TMEM234: variants seen among roughly 807,000 people sequenced by gnomAD.
The protein encoded by TMEM234 is chromosome 1 open reading frame 91.
In TMEM234, 21 loss-of-function variants were observed where a neutral mutation model predicts 17.8. The observed-to-expected ratio is 1.18, with a 90% CI of 0.84 to 1.70. TMEM234 has a LOEUF of 1.70. Among genes scored for constraint, TMEM234 ranks in the 40% most tolerant of loss-of-function variants. The probability of loss-of-function intolerance (pLI) is 0.00; values close to 1 mark genes in which losing one functional copy is unlikely to be tolerated. For missense variants in TMEM234, 137 were observed against 166.9 expected (o/e 0.82, Z 0.99); for synonymous variants, 83 against 73.5 (o/e 1.13, Z -0.66).
At chr1:32,215,600 A>G (rs1638317919), downstream of TMEM234, 2 of 1,531,138 alleles carry the variant, frequency 1.3e-6, no homozygotes, top group African/African-American at 1.4e-5. Context: ...TGAGCTGGAA[A>G]CTGGCAGCCT....
downstream of TMEM234, chr1:32,216,009 A>G: frequency 2.2e-6 from 2 of 929,546 alleles, no homozygotes; most frequent in Non-Finnish European, 3.3e-6. Context: ...CTCACAGGGT[A>G]CACTGCGGCC....
intron 3 of TMEM234, chr1:32,217,564 G>A (rs1254109911): frequency 9.2e-7 from 1 of 1,082,404 alleles, no homozygotes; most frequent in Admixed American, 2.0e-5. Flanking sequence ...TGAACTCTGA[G>A]GTCTGGGACC....
downstream of TMEM234, chr1:32,214,917 C>T (rs1428178498): frequency 1.2e-6 from 2 of 1,613,884 alleles, no homozygotes; most frequent in Non-Finnish European, 8.5e-7. Flanking sequence ...GCTCCCCACA[C>T]TCTCATTCCC....
chr1:32,221,558 T>C (rs1638910939), intron 2 of TMEM234, among the ~76,000 whole-genome samples: 2 of 152,282 alleles, frequency 1.3e-5, no homozygotes, highest in Middle Eastern at 3.4e-3. Context: ...GGCTCACAAA[T>C]GTTGCCTTAT....
At chr1:32,215,672 C>T (rs1410783031), downstream of TMEM234, 1 of 1,110,280 alleles carries the variant, frequency 9.0e-7, no homozygotes, top group African/African-American at 1.6e-5. Context: ...TAACTTCCTA[C>T]CTTGTTAAAT....
downstream of TMEM234, chr1:32,214,942 C>T: frequency 6.2e-7 from 1 of 1,613,758 alleles, no homozygotes; most frequent in African/African-American, 1.3e-5. Flanking sequence ...GGTGAGGGGT[C>T]CCTGGGGCTC....
At position 32,216,938 on chromosome 1, in the gene TMEM234, G is replaced by T. The variant is rs1455872558; in HGVS notation, c.338C>A (p.Ala113Asp). Residue 113 changes from alanine (A) to aspartate (D), a missense_variant, in exon 5 of 5, where the codon GCT becomes GAT. By Grantham distance (126) the Ala-to-Asp change is moderately radical. Coordinates refer to ENST00000309777, the MANE Select transcript of TMEM234 (RefSeq NM_019118.5). ...GEDIGGKRAV[A>D]GMVLTVIGIS... ...TCCTATCACGGTGAGCACCATGCCA[G>T]CAACTGCTCCTGGGATAATAGGCAG... is the stretch of plus-strand genomic sequence containing the variant. 1 of 1,614,154 alleles carries T rather than the reference G, an allele frequency of 6.2e-7. No homozygotes were observed. The highest frequency in any genetic ancestry group is 1.3e-5 in the African/African-American group (1 of 75,058).
chr1:32,215,619 A>G (rs1284034378), downstream of TMEM234: 3 of 1,388,426 alleles, frequency 2.2e-6, no homozygotes, highest in Middle Eastern at 3.7e-4. Context: ...CTTGGGCCCC[A>G]GGAACAGTTC....
rs1638414221 is a variant in TMEM234 at position 32,216,676 on chromosome 1, A to G, written c.*177T>C. ...CGCAGCTGAACAGCACTTGAAGGTT[A>G]CAAAACTCTTTCACTCTTGTTCTCT... On this transcript the variant is annotated 3_prime_UTR_variant, in exon 5 of 5. Transcript: ENST00000309777. 2.0e-6 allele frequency: 3 copies of G among 1,495,822 alleles called. No homozygotes were observed. The highest frequency in any genetic ancestry group is 2.7e-6 in the Non-Finnish European group (3 of 1,118,068). 92.7% of individuals were successfully genotyped at this position (1,495,822 alleles called of 1,614,324 possible).
intron 3 of TMEM234, among the ~76,000 whole-genome samples, chr1:32,217,902 T>C (rs932485785): frequency 5.3e-5 from 8 of 152,210 alleles, no homozygotes; most frequent in African/African-American, 1.7e-4. Context: ...TATTAAACTG[T>C]GGATATAGAC....
At chr1:32,217,388 AC>A (rs1638495142) in intron 3 of TMEM234, 37 bp from the exon 4 acceptor site, 4 of 1,593,902 alleles carry the variant, frequency 2.5e-6, no homozygotes, top group Non-Finnish European at 3.4e-6. Flanking sequence ...CTGAGATGCA[AC>A]AAATGCCTTT....
rs562144270 is a variant in TMEM234 at position 32,216,379 on chromosome 1, C to T, written c.*474G>A. 136 of 1,550,878 alleles carry T rather than the reference C, an allele frequency of 8.8e-5. No homozygotes were observed. The highest frequency in any genetic ancestry group is 2.3e-4 in the South Asian group (19 of 84,054). ...TCATTTCCTGCATCTGCCACTCCGA[C>T]GCACCTTCTTCCCTCGGTTCCACCC... On this transcript the variant is annotated 3_prime_UTR_variant, in exon 5 of 5. Transcript: ENST00000309777.
rs1398625975 is a variant in TMEM234, at chr1:32,221,133, G to GTCGA, written c.229_232dup (p.Thr78IlefsTer12). Reference sequence around the variant, plus strand: ...AACAGTTCCAAGCCAGGACCCACCTGTCGATGCCAAGGTGAGGTAATAGAG... The same window carrying GTCGA: ...AACAGTTCCAAGCCAGGACCCACCTGTCGATCGATGCCAAGGTGAGGTAATAGAG... On this transcript the variant is annotated frameshift_variant, in exon 3 of 5. Coordinates refer to ENST00000309777, the MANE Select transcript of TMEM234 (RefSeq NM_019118.5). LOFTEE classifies it high-confidence loss of function. 8 of 1,613,036 alleles carry GTCGA rather than the reference G, an allele frequency of 5.0e-6. No homozygotes were observed. The African/African-American group carries it at 1.1e-4, about 22-fold the overall frequency.
At chr1:32,217,503 A>T in intron 3 of TMEM234, 152 bp from the exon 4 acceptor site, 1 of 1,498,102 alleles carries the variant, frequency 6.7e-7, no homozygotes, top group African/African-American at 1.4e-5. Flanking sequence ...ACTCAAACCC[A>T]CATCTCCTGA....
At position 32,216,648 on chromosome 1, in the gene TMEM234, C is replaced by T. The variant is rs1396306268; in HGVS notation, c.*205G>A. ...GAGCGTAGAGTCTCCTGTGCTAAAT[C>T]CCCGCAGCTGAACAGCACTTGAAGG... On this transcript the variant is annotated 3_prime_UTR_variant, in exon 5 of 5. Coordinates refer to ENST00000309777, the MANE Select transcript of TMEM234 (RefSeq NM_019118.5). 11 of 1,512,880 alleles carry T rather than the reference C, an allele frequency of 7.3e-6. No homozygotes were observed. The highest frequency in any genetic ancestry group is 2.1e-5 in the Admixed American group (1 of 48,164). The allele number at this position is 1,512,880 out of a possible 1,614,324, so 93.7% of individuals were successfully genotyped here. A position where few individuals can be genotyped will look rare whatever the true frequency, so the allele number is the denominator to read the frequency against.
At chr1:32,215,341 A>T, downstream of TMEM234, 1 of 1,010,440 alleles carries the variant, frequency 9.9e-7, no homozygotes, top group Non-Finnish European at 1.4e-6. Context: ...ATGCAGAACC[A>T]GGTTCAGGGG....
chr1:32,221,257 T>C (rs930319591), intron 2 of TMEM234, 60 bp from the exon 3 acceptor site: 2 of 1,332,056 alleles, frequency 1.5e-6, no homozygotes, highest in Admixed American at 1.8e-5. Context: ...ACTGCCTTCT[T>C]TGAGCTCCTA....
intron 3 of TMEM234, among the ~76,000 whole-genome samples, chr1:32,219,159 G>A (rs1638674882): frequency 6.6e-6 from 1 of 150,868 alleles, no homozygotes; most frequent in Non-Finnish European, 1.5e-5. Context: ...AAGACCAATG[G>A]ACGAATCAGC....
At chr1:32,217,547 G>T in intron 3 of TMEM234, 196 bp from the exon 4 acceptor site, 1 of 1,276,386 alleles carries the variant, frequency 7.8e-7, no homozygotes, top group Non-Finnish European at 1.1e-6. Context: ...ATTCCAGCAT[G>T]AAGACCTGAA....
Sources: gnomAD v4.1 joint callset for allele counts (sites outside exome capture counted in the v4.1 genomes callset) on GRCh38, gnomAD v4.1.1 for gene constraint, MANE v1.5 for transcripts, NCBI Gene and HGNC (gene_info 2026-07-23, HGNC 2026-07-21) for gene names.